PDE8B: variants seen among roughly 807,000 people sequenced by gnomAD.
PDE8B encodes the protein high affinity cAMP-specific and IBMX-insensitive 3',5'-cyclic phosphodiesterase 8B.
Under a neutral mutation model 101.3 loss-of-function variants are expected in PDE8B, and 26 were observed. The observed-to-expected ratio is 0.26, with a 90% confidence interval of 0.19 to 0.36. The LOEUF (loss-of-function observed/expected upper bound fraction) is 0.36. Ranked by LOEUF, PDE8B falls within the 10% of genes least tolerant of loss-of-function variation. The pLI, the probability that PDE8B is intolerant of heterozygous loss-of-function variation, is 1.00. For synonymous variants in PDE8B, 424 were observed against 429.3 expected, an observed-to-expected ratio of 0.99 and a Z score of 0.15; for missense variants, 810 against 1,163.1, an observed-to-expected ratio of 0.70 and a Z score of 4.42.
intron 2 of PDE8B, among the ~76,000 whole-genome samples, chr5:77,323,987 A>T (rs2150222528): frequency 6.6e-6 from 1 of 152,118 alleles, no homozygotes; most frequent in Middle Eastern, 3.4e-3. Context: ...AAAAAAAAGT[A>T]TTTTTCAAAT....
intron 1 of PDE8B, among the ~76,000 whole-genome samples, chr5:77,275,471 T>C (rs943190716): frequency 1.3e-5 from 2 of 152,222 alleles, no homozygotes; most frequent in Non-Finnish European, 2.9e-5. Flanking sequence ...AGAACAGTTT[T>C]AAATTGCTTC....
chr5:77,185,837 T>C, the PDE8B span, among the ~76,000 whole-genome samples: 1 of 152,184 alleles, frequency 6.6e-6, no homozygotes, highest in Non-Finnish European at 1.5e-5. Context: ...ATTGATGGCA[T>C]TGACTGTAAT....
chr5:77,387,094 AG>A (rs1788860820), intron 10 of PDE8B, among the ~76,000 whole-genome samples: 1 of 151,504 alleles, frequency 6.6e-6, no homozygotes, highest in African/African-American at 2.4e-5. Context: ...CTTGTTAGCC[AG>A]GATGGTCTCG....
At chr5:77,218,572 C>T (rs1750334181) in intron 1 of PDE8B, among the ~76,000 whole-genome samples, 1 of 152,182 alleles carries the variant, frequency 6.6e-6, no homozygotes, top group Non-Finnish European at 1.5e-5. Flanking sequence ...GATAAACAGG[C>T]AGAGGGAAGG....
the PDE8B span, among the ~76,000 whole-genome samples, chr5:77,103,258 AT>A: frequency 1.3e-5 from 2 of 152,234 alleles, no homozygotes; most frequent in African/African-American, 4.8e-5. Context: ...AAAACGCTTA[AT>A]GGAAAATACT....
At chr5:77,126,423 C>T in the PDE8B span, among the ~76,000 whole-genome samples, 538 of 152,234 alleles carry the variant, frequency 3.5e-3, 7 homozygotes, top group African/African-American at 0.012. Flanking sequence ...ATCTGTGTTT[C>T]CTACAAACTT....
At chr5:77,359,562 G>A (rs976536597) in intron 10 of PDE8B, among the ~76,000 whole-genome samples, 10 of 152,174 alleles carry the variant, frequency 6.6e-5, no homozygotes, top group African/African-American at 2.2e-4. Flanking sequence ...TAAGGCAATG[G>A]ATGTTTGTTT....
chr5:77,188,351 G>A, the PDE8B span, among the ~76,000 whole-genome samples: 6 of 152,282 alleles, frequency 3.9e-5, no homozygotes, highest in South Asian at 6.2e-4. Context: ...AAAGTGCATC[G>A]TTTTGCAGTA....
At chr5:77,132,647 C>A in the PDE8B span, among the ~76,000 whole-genome samples, 1 of 152,226 alleles carries the variant, frequency 6.6e-6, no homozygotes, top group Admixed American at 6.5e-5. Context: ...CTGCTCCAGA[C>A]TAGTCTTGCT....
the PDE8B span, among the ~76,000 whole-genome samples, chr5:77,090,790 A>G: frequency 6.6e-6 from 1 of 152,086 alleles, no homozygotes; most frequent in Non-Finnish European, 1.5e-5. Context: ...TACACACCAC[A>G]GTTTCTTTTT....
At chr5:77,239,746 G>A (rs915964578) in intron 1 of PDE8B, among the ~76,000 whole-genome samples, 17 of 152,212 alleles carry the variant, frequency 1.1e-4, no homozygotes, top group Non-Finnish European at 2.4e-4. Flanking sequence ...TCTAGCTTTA[G>A]CTGTATTGTA....
intron 1 of PDE8B, among the ~76,000 whole-genome samples, chr5:77,303,996 A>G (rs770057745): frequency 1.3e-5 from 2 of 152,236 alleles, no homozygotes; most frequent in Admixed American, 6.5e-5. Flanking sequence ...GTTACAAACA[A>G]TACTGCTCTG....
the PDE8B span, among the ~76,000 whole-genome samples, chr5:77,091,143 A>G: frequency 6.6e-6 from 1 of 152,140 alleles, no homozygotes; most frequent in Admixed American, 6.5e-5. Context: ...TTGACTTGCA[A>G]TTTCTCTGCT....
At chr5:77,401,449 A>G (rs1379215785) in intron 11 of PDE8B, among the ~76,000 whole-genome samples, 4 of 152,222 alleles carry the variant, frequency 2.6e-5, no homozygotes. Flanking sequence ...AATATTGGTA[A>G]ATTGAAACCA....
intron 10 of PDE8B, among the ~76,000 whole-genome samples, chr5:77,391,392 G>C (rs1789892861): frequency 6.6e-6 from 1 of 152,218 alleles, no homozygotes; most frequent in Admixed American, 6.5e-5. Flanking sequence ...CAGCCAGGAA[G>C]AGTCTCTGCT....
At chr5:77,103,606 C>T in the PDE8B span, among the ~76,000 whole-genome samples, 1 of 152,194 alleles carries the variant, frequency 6.6e-6, no homozygotes, top group African/African-American at 2.4e-5. Flanking sequence ...GGGAACAGAA[C>T]TCTGTGTTCC....
chr5:77,424,313 C>A (rs1327358624), intron 20 of PDE8B, among the ~76,000 whole-genome samples: 1 of 152,152 alleles, frequency 6.6e-6, no homozygotes, highest in African/African-American at 2.4e-5. Context: ...ATAAAAGCTT[C>A]CTATTTAGGT....
At chr5:77,314,133 C>T (rs1444431032) in intron 2 of PDE8B, among the ~76,000 whole-genome samples, 3 of 152,110 alleles carry the variant, frequency 2.0e-5, no homozygotes, top group African/African-American at 7.2e-5. Flanking sequence ...GTCTTAGCAG[C>T]ATTTGTTAAA....
At chr5:77,205,037 G>A in the PDE8B span, among the ~76,000 whole-genome samples, 2 of 152,184 alleles carry the variant, frequency 1.3e-5, no homozygotes, top group East Asian at 3.9e-4. Context: ...CTGGAGGTGA[G>A]TAGCATTCTG....
Sources: gnomAD v4.1 joint callset for allele counts (sites outside exome capture counted in the v4.1 genomes callset) on GRCh38, gnomAD v4.1.1 for gene constraint, MANE v1.5 for transcripts, NCBI Gene and HGNC (gene_info 2026-07-23, HGNC 2026-07-21) for gene names.